CTNNA2: variants seen among roughly 807,000 people sequenced by gnomAD.
CTNNA2 encodes catenin alpha-2.
In CTNNA2, 42 loss-of-function variants were observed where a neutral mutation model predicts 101.0. That is an observed-to-expected ratio of 0.42 (90% CI 0.32 to 0.54). The LOEUF is 0.54. Ranked by LOEUF, CTNNA2 falls within the 20% of genes least tolerant of loss-of-function variation. The pLI, the probability that CTNNA2 is intolerant of heterozygous loss-of-function variation, is 0.14. For synonymous variants in CTNNA2, 450 were observed against 456.4 expected, an observed-to-expected ratio of 0.99 and a Z score of 0.18; for missense variants, 871 against 1,223.1, an observed-to-expected ratio of 0.71 and a Z score of 4.29.
intron 1 of CTNNA2, among the ~76,000 whole-genome samples, chr2:79,568,422 T>G (rs1675249372): frequency 6.8e-6 from 1 of 146,322 alleles, no homozygotes; most frequent in African/African-American, 2.5e-5. Flanking sequence ...GCCAACATGG[T>G]GAAACCCCGT....
chr2:80,197,276 A>G (rs1334274968), intron 7 of CTNNA2, among the ~76,000 whole-genome samples: 2 of 152,194 alleles, frequency 1.3e-5, no homozygotes, highest in Non-Finnish European at 2.9e-5. Flanking sequence ...TAGCAAATTG[A>G]TTCACTTGTA....
intron 4 of CTNNA2, among the ~76,000 whole-genome samples, chr2:79,437,398 T>G (rs1262731970): frequency 6.6e-6 from 1 of 152,156 alleles, no homozygotes; most frequent in Admixed American, 6.6e-5. Context: ...GATCCTGCAT[T>G]CCTCACAGCT....
At chr2:79,641,980 T>TATTA (rs1680477738) in intron 1 of CTNNA2, among the ~76,000 whole-genome samples, 2 of 152,160 alleles carry the variant, frequency 1.3e-5, no homozygotes, top group African/African-American at 4.8e-5. Flanking sequence ...GGCCATGTAT[T>TATTA]ATTAGTCTTA....
At chr2:79,337,787 T>C (rs912175146) in intron 3 of CTNNA2, among the ~76,000 whole-genome samples, 4 of 152,058 alleles carry the variant, frequency 2.6e-5, no homozygotes, top group African/African-American at 9.7e-5. Flanking sequence ...GCTTAGGCTT[T>C]TGGTGGAGAA....
At chr2:80,470,898 G>T (rs1230954720) in intron 9 of CTNNA2, among the ~76,000 whole-genome samples, 7 of 152,162 alleles carry the variant, frequency 4.6e-5, no homozygotes, top group African/African-American at 1.4e-4. Context: ...CTCCAGTTGG[G>T]TCTCTCTAAG....
intron 3 of CTNNA2, among the ~76,000 whole-genome samples, chr2:79,830,752 G>C (rs978557024): frequency 6.6e-6 from 1 of 152,112 alleles, no homozygotes. Flanking sequence ...AATGGGCCTG[G>C]TGTTTATGGA....
chr2:79,909,923 A>C (rs1381316062), intron 7 of CTNNA2, 126 bp downstream of exon 7: 2 of 936,264 alleles, frequency 2.1e-6, no homozygotes, highest in African/African-American at 3.4e-5. Flanking sequence ...AGTCAGGTGA[A>C]ACCAAAGAAC....
chr2:80,033,148 C>CAAAAAAAA (rs781462046), intron 7 of CTNNA2, among the ~76,000 whole-genome samples: 1 of 56,108 alleles, frequency 1.8e-5, no homozygotes, highest in Non-Finnish European at 3.8e-5. Context: ...GACTCCATCT[C>CAAAAAAAA]AAAAAAAAAA....
At chr2:79,797,672 A>AC (rs1433141100) in intron 3 of CTNNA2, among the ~76,000 whole-genome samples, 1 of 151,168 alleles carries the variant, frequency 6.6e-6, no homozygotes, top group Non-Finnish European at 1.5e-5. Flanking sequence ...AAAAAAAAAA[A>AC]AAAAAAATGA....
chr2:79,427,018 G>A (rs545922735), intron 4 of CTNNA2, among the ~76,000 whole-genome samples: 1 of 152,066 alleles, frequency 6.6e-6, no homozygotes, highest in South Asian at 2.1e-4. Flanking sequence ...AAAGGGTGAT[G>A]TTTATTTTGC....
At chr2:80,013,811 G>A (rs1480843211) in intron 7 of CTNNA2, among the ~76,000 whole-genome samples, 1 of 152,292 alleles carries the variant, frequency 6.6e-6, no homozygotes, top group East Asian at 1.9e-4. Flanking sequence ...AAAGTCTAAA[G>A]TGAACAGGTA....
At chr2:79,806,861 T>A (rs1676620771) in intron 3 of CTNNA2, among the ~76,000 whole-genome samples, 1 of 152,074 alleles carries the variant, frequency 6.6e-6, no homozygotes, top group South Asian at 2.1e-4. Context: ...AGAGACTCAG[T>A]AAAGGTCTGA....
At chr2:80,598,032 A>C (rs1166719592) in intron 15 of CTNNA2, among the ~76,000 whole-genome samples, 1 of 152,186 alleles carries the variant, frequency 6.6e-6, no homozygotes, top group East Asian at 1.9e-4. Flanking sequence ...CACTATTTAC[A>C]ATAGCATAGA....
intron 9 of CTNNA2, among the ~76,000 whole-genome samples, chr2:80,473,997 A>G (rs1213887735): frequency 6.6e-6 from 1 of 152,174 alleles, no homozygotes; most frequent in African/African-American, 2.4e-5. Context: ...AGCCACACAC[A>G]GCTTCAATGC....
chr2:79,975,006 C>T (rs910630467), intron 7 of CTNNA2, among the ~76,000 whole-genome samples: 1 of 152,088 alleles, frequency 6.6e-6, no homozygotes, highest in African/African-American at 2.4e-5. Flanking sequence ...CCAGAGTGTT[C>T]AGGAACATCA....
At chr2:79,409,202 C>A (rs1573152116) in intron 4 of CTNNA2, among the ~76,000 whole-genome samples, 2 of 152,094 alleles carry the variant, frequency 1.3e-5, no homozygotes, top group African/African-American at 2.4e-5. Context: ...GATATTAGCC[C>A]TTTGTCAGAT....
Position 80,074,413 on chromosome 2 carries a change from A to G in CTNNA2, c.1056+164616A>G, listed in dbSNP as rs142710829. On this transcript the variant is annotated intron_variant, in intron 7 of 18. Coordinates refer to ENST00000402739, the MANE Select transcript of CTNNA2 (RefSeq NM_001282597.3). Reference sequence around the variant, plus strand: ...GCATTTCCCCATTTTGAAAGATGTAAGTAAAAACACTGTTTAACATCTGAA... The same window carrying G: ...GCATTTCCCCATTTTGAAAGATGTAGGTAAAAACACTGTTTAACATCTGAA... 7.0e-4 allele frequency among the ~76,000 whole-genome samples: 106 copies of G among 152,336 alleles called. 1 individual carries two copies. The highest frequency in any genetic ancestry group is 2.5e-3 in the African/African-American group (102 of 41,566).
chr2:79,823,574 A>G (rs1197546200), intron 3 of CTNNA2, among the ~76,000 whole-genome samples: 1 of 152,132 alleles, frequency 6.6e-6, no homozygotes, highest in Admixed American at 6.6e-5. Context: ...CATGGACTAC[A>G]TGTATGGCAT....
At chr2:79,682,379 C>T (rs754846359) in intron 2 of CTNNA2, among the ~76,000 whole-genome samples, 4 of 135,190 alleles carry the variant, frequency 3.0e-5, no homozygotes, top group Non-Finnish European at 4.6e-5. Flanking sequence ...CCACTGCACT[C>T]CAGCCTGGGT....
Sources: allele counts gnomAD v4.1 joint callset (sites outside exome capture counted in the v4.1 genomes callset), GRCh38; gene constraint gnomAD v4.1.1; transcripts MANE v1.5; gene names NCBI Gene and HGNC (gene_info 2026-07-23, HGNC 2026-07-21).